The following RSRC2 variants were observed in gnomAD, a reference collection of about 807,000 sequenced individuals.
RSRC2 encodes arginine and serine rich coiled-coil 2.
In RSRC2, 5 loss-of-function variants were observed where a neutral mutation model predicts 61.3. The ratio of observed to expected loss-of-function variants is 0.08; its 90% confidence interval spans 0.04 to 0.17. The LOEUF is 0.17. Among genes scored for constraint, RSRC2 ranks in the 10% least tolerant of loss-of-function variants. The pLI is 1.00. For missense variants in RSRC2, 381 were observed against 518.8 expected (o/e 0.73, Z 2.58); for synonymous variants, 202 against 166.5 (o/e 1.21, Z -1.64).
intron 4 of RSRC2, 60 bp from the exon 5 acceptor site, chr12:122,517,490 C>T (rs1959029058): frequency 6.3e-7 from 1 of 1,599,046 alleles, no homozygotes; most frequent in Non-Finnish European, 8.5e-7. Context: ...CATTTATACA[C>T]ATCATGAATT....
intron 6 of RSRC2, chr12:122,514,579 AT>A: frequency 9.6e-7 from 1 of 1,040,198 alleles, no homozygotes. Context: ...ACAGCAGAAA[AT>A]TAAAAAAAAA....
chr12:122,518,804 T>C, intron 4 of RSRC2, 35 bp downstream of exon 4: 2 of 1,516,518 alleles, frequency 1.3e-6, no homozygotes, highest in South Asian at 1.1e-5. Flanking sequence ...TGTAACTTGT[T>C]AGAAGGTACT....
chr12:122,512,830 T>C (rs1186140387), intron 6 of RSRC2, among the ~76,000 whole-genome samples: 1 of 152,038 alleles, frequency 6.6e-6, no homozygotes, highest in African/African-American at 2.4e-5. Context: ...CACATATGCA[T>C]GGAAGGCATA....
rs776477727 is a variant in RSRC2 at position 122,523,074 on chromosome 12, TA to T, written c.7-776del. On this transcript the variant is annotated intron_variant, in intron 1 of 9. Transcript: ENST00000331738. ...TGATACACCTGGGGAATTGATTACT[TA>T]GGAAGGGTTGGCAAGCTATGGTCCT... 13 of 152,310 alleles carry T rather than the reference TA, an allele frequency of 8.5e-5. No individual in the cohort carries two copies. The East Asian group carries it at 1.7e-3, about 20-fold the overall frequency. The allele number at this position is 152,310 out of a possible 1,614,324, so 9.4% of individuals were successfully genotyped here. A position where few individuals can be genotyped will look rare whatever the true frequency, so the allele number is the denominator to read the frequency against.
At chr12:122,505,857 C>A (rs1298646108) in intron 9 of RSRC2, 151 bp from the exon 10 acceptor site, 2 of 624,784 alleles carry the variant, frequency 3.2e-6, no homozygotes, top group Middle Eastern at 4.4e-4. Context: ...CGGCTCACTG[C>A]AACCTCTGCC....
rs180725821 is a variant in RSRC2 at position 122,526,496 on chromosome 12, C to T, written c.6+352G>A. Among the ~76,000 whole-genome samples, 7 of 152,142 alleles carry T rather than the reference C, an allele frequency of 4.6e-5. No individual in the cohort carries two copies. The East Asian group carries it at 1.3e-3, about 29-fold the overall frequency. On this transcript the variant is annotated intron_variant, in intron 1 of 9. Transcript: ENST00000331738. ...TGATCGTCTTTCTCTTCCCCAGCCC[C>T]TTTCTCCACCGCAAATTCTCAGGCC...
intron 1 of RSRC2, among the ~76,000 whole-genome samples, chr12:122,525,995 TG>T (rs1960277388): frequency 2.0e-5 from 1 of 50,548 alleles, no homozygotes. Flanking sequence ...CTAATTTTTT[TG>T]TATTTTTAGT....
At chr12:122,524,301 T>C (rs931164477) in intron 1 of RSRC2, among the ~76,000 whole-genome samples, 4 of 152,222 alleles carry the variant, frequency 2.6e-5, no homozygotes, top group Non-Finnish European at 5.9e-5. Flanking sequence ...CATTTATTAC[T>C]TGCTGAGTGT....
intron 6 of RSRC2, among the ~76,000 whole-genome samples, chr12:122,513,196 AAAATAAATAAATAAATAAATAAAT>A (rs58751034): frequency 1.4e-4 from 18 of 129,928 alleles, no homozygotes; most frequent in Admixed American, 4.2e-4. Context: ...CTCCGTCTCA[AAAATAAATAAATAAATAAATAAAT>A]AAATAAATAA....
At chr12:122,525,096 G>A (rs1468947103) in intron 1 of RSRC2, among the ~76,000 whole-genome samples, 1 of 152,132 alleles carries the variant, frequency 6.6e-6, no homozygotes. Flanking sequence ...GAACCCGGCC[G>A]GGCGCGGTGG....
chr12:122,504,164 T>A lies in RSRC2; in HGVS notation c.*1363A>T, dbSNP rs551005228. 1.7e-4 allele frequency: 26 copies of A among 152,344 alleles called. No homozygotes were observed. The highest frequency in any genetic ancestry group is 6.3e-4 in the African/African-American group (26 of 41,574). 9.4% of individuals were successfully genotyped at this position (152,344 alleles called of 1,614,324 possible). ...TTTAAAATAAGGCTGTCAATCTTAT[T>A]CCTGTAGTCTTCCCTGATTGTAATG... On this transcript the variant is annotated 3_prime_UTR_variant, in exon 10 of 10. Transcript: ENST00000331738.
chr12:122,517,799 A>C (rs747084267), intron 4 of RSRC2, among the ~76,000 whole-genome samples: 1 of 152,020 alleles, frequency 6.6e-6, no homozygotes, highest in Admixed American at 6.6e-5. Flanking sequence ...TCCAAAAAAA[A>C]CCCCACCAAA....
intron 8 of RSRC2, 133 bp from the exon 9 acceptor site, chr12:122,507,056 C>G: frequency 1.5e-6 from 1 of 676,740 alleles, no homozygotes; most frequent in Non-Finnish European, 2.6e-6. Flanking sequence ...TTAATTATTT[C>G]AAGACTTAAG....
chr12:122,516,178 TG>T lies in RSRC2; in HGVS notation c.603-952del, dbSNP rs201532964. Among the ~76,000 whole-genome samples the T allele has an allele frequency of 6.1e-3, 933 of 152,348 alleles. 8 individuals are homozygous for T. Among genetic ancestry groups the T allele is most frequent in the South Asian group, 0.028 (137 of 4,832 alleles). The stretch of plus-strand genomic sequence containing the variant: ...TATTAAGTACAGGTCCCTTTTTAAA[TG>T]TATGTTTCAATCTTTCATACACTGA... On this transcript the variant is annotated intron_variant, in intron 5 of 9. Coordinates refer to ENST00000331738, the MANE Select transcript of RSRC2 (RefSeq NM_023012.6).
intron 6 of RSRC2, among the ~76,000 whole-genome samples, chr12:122,512,108 A>C (rs536016407): frequency 8.5e-5 from 13 of 152,210 alleles, no homozygotes; most frequent in Non-Finnish European, 1.5e-4. Flanking sequence ...GCCCAGCCCA[A>C]AAATGAATGC....
intron 8 of RSRC2, 24 bp downstream of exon 8, chr12:122,508,193 AG>A: frequency 6.3e-7 from 1 of 1,587,508 alleles, no homozygotes; most frequent in Non-Finnish European, 8.7e-7. Context: ...AATAAACGAC[AG>A]AAAAGCAGAA....
At position 122,505,701 on chromosome 12, in the gene RSRC2, T is replaced by C; in HGVS notation, c.1131A>G (p.Glu377=). 6.2e-7 allele frequency: 1 copy of C among 1,612,638 alleles called. No individual in the cohort carries two copies. Residue 377 remains glutamate, a synonymous_variant, in exon 10 of 10, where the codon GAA becomes GAG. Coordinates refer to ENST00000331738, the MANE Select transcript of RSRC2 (RefSeq NM_023012.6). ...CAACTGAGCTACATCCAGCTTCATCTTCACTCTAAAAATCAGACATAAAAC... is the reference window on the plus strand; with the variant it reads ...CAACTGAGCTACATCCAGCTTCATCCTCACTCTAAAAATCAGACATAAAAC... ...KFRKLMGIKS[E]DEAGCSSVDE...
chr12:122,523,807 C>T (rs1162937204), intron 1 of RSRC2: 1 of 150,326 alleles, frequency 6.7e-6, no homozygotes, highest in Non-Finnish European at 1.5e-5. Flanking sequence ...TGTGAGAGGT[C>T]GAGTTACTTC....
chr12:122,508,063 A>G (rs1012727973), intron 8 of RSRC2, 155 bp downstream of exon 8: 8 of 712,530 alleles, frequency 1.1e-5, no homozygotes, highest in African/African-American at 1.8e-5. Context: ...TTGGCATCCC[A>G]AAGTGCTGGG....
Sources: gnomAD v4.1 joint callset for allele counts (sites outside exome capture counted in the v4.1 genomes callset) on GRCh38, gnomAD v4.1.1 for gene constraint, MANE v1.5 for transcripts, NCBI Gene and HGNC (gene_info 2026-07-23, HGNC 2026-07-21) for gene names.